Variants in PCDHA7 observed in about 807,000 individuals in gnomAD.
PCDHA7 encodes protocadherin alpha-7.
Under a neutral mutation model 57.2 loss-of-function variants are expected in PCDHA7, and 37 were observed. The observed-to-expected ratio is 0.65, with a 90% CI of 0.50 to 0.85. PCDHA7 has a LOEUF of 0.85. Ranked by LOEUF, PCDHA7 falls within the 40% of genes least tolerant of loss-of-function variation. The probability of loss-of-function intolerance (pLI) is 0.00; values close to 1 mark genes in which losing one functional copy is unlikely to be tolerated. For missense variants in PCDHA7, 1,188 were observed against 1,241.8 expected (o/e 0.96, Z 0.65); for synonymous variants, 553 against 558.8 (o/e 0.99, Z 0.15).
intron 1 of PCDHA7, chr5:140,871,232 T>C: frequency 6.2e-7 from 1 of 1,613,948 alleles, no homozygotes; most frequent in South Asian, 1.1e-5. Flanking sequence ...TCCAGCCTCC[T>C]GGTACTCACG....
intron 1 of PCDHA7, among the ~76,000 whole-genome samples, chr5:140,938,831 A>G (rs782069247): frequency 2.0e-5 from 3 of 152,118 alleles, no homozygotes; most frequent in Non-Finnish European, 4.4e-5. Flanking sequence ...AGTTTGCGTT[A>G]TAACAAACCT....
At position 140,834,987 on chromosome 5, in the gene PCDHA7, A is replaced by G; in HGVS notation, c.604A>G (p.Arg202Gly). ...ACTTGTATTACGGAAACTTTTAGAC[A>G]GAGAAGAAACTCCGGAGCTTCATTT... is the stretch of plus-strand genomic sequence containing the variant. ...LGLVLRKLLD[R>G]EETPELHLLL... is the part of the protein sequence containing the mutation. The change falls in exon 1 of 4, where the codon AGA becomes GGA. Residue 202 changes from arginine (R) to glycine (G), a missense_variant. By Grantham distance (125) the Arg-to-Gly change is moderately radical. This residue lies in a region of PCDHA7 where 102 missense variants were observed against 267.4 expected (regional missense o/e 0.38). Transcript: ENST00000525929. 1 of 1,457,052 alleles carries G rather than the reference A, an allele frequency of 6.9e-7. No individual in the cohort carries two copies. Among genetic ancestry groups the G allele is most frequent in the Non-Finnish European group, 9.3e-7 (1 of 1,079,968 alleles). 90.3% of individuals were successfully genotyped at this position (1,457,052 alleles called of 1,614,324 possible). A position where few individuals can be genotyped will look rare whatever the true frequency, so the allele number is the denominator to read the frequency against.
intron 1 of PCDHA7, among the ~76,000 whole-genome samples, chr5:140,897,050 G>A (rs1269082503): frequency 6.6e-6 from 1 of 152,014 alleles, no homozygotes; most frequent in Non-Finnish European, 1.5e-5. Flanking sequence ...CTATTCTGCT[G>A]TCAAATACTA....
At chr5:140,878,110 A>T in intron 1 of PCDHA7, 1 of 249,264 alleles carries the variant, frequency 4.0e-6, no homozygotes, top group South Asian at 1.2e-4. Context: ...CTTGAAAAAA[A>T]CAGTATATTA....
At chr5:140,927,612 C>T (rs781873236) in intron 1 of PCDHA7, 12 of 1,614,172 alleles carry the variant, frequency 7.4e-6, no homozygotes, top group Non-Finnish European at 8.5e-6. Context: ...TATACCGCAC[C>T]AAGGTTCCAG....
intron 1 of PCDHA7, chr5:140,852,270 CAT>C (rs1193934371): frequency 1.4e-5 from 7 of 503,434 alleles, no homozygotes; most frequent in South Asian, 1.7e-4. Context: ...TACAATATTA[CAT>C]GTTTTTTGTC....
chr5:140,968,594 A>G (rs1218717024), intron 1 of PCDHA7: 3 of 1,614,176 alleles, frequency 1.9e-6, no homozygotes, highest in Non-Finnish European at 2.5e-6. Flanking sequence ...AGTCATAGCT[A>G]TGGACTCAGA....
At chr5:140,966,683 G>A (rs1357691419) in intron 1 of PCDHA7, 1 of 1,331,590 alleles carries the variant, frequency 7.5e-7, no homozygotes. Flanking sequence ...TGGCACGAGC[G>A]GAGGCGGGGC....
chr5:140,937,413 TTAGA>T (rs781915768), intron 1 of PCDHA7, among the ~76,000 whole-genome samples: 3 of 152,228 alleles, frequency 2.0e-5, no homozygotes, highest in Non-Finnish European at 2.9e-5. Flanking sequence ...ACAACTTTTA[TTAGA>T]TAGCTGATAT....
At chr5:140,882,408 G>T in intron 1 of PCDHA7, 2 of 1,614,138 alleles carry the variant, frequency 1.2e-6, no homozygotes, top group Non-Finnish European at 8.5e-7. Flanking sequence ...TTCGTGGGCC[G>T]CATCGCTCAG....
intron 3 of PCDHA7, among the ~76,000 whole-genome samples, chr5:141,002,380 G>T (rs1284047266): frequency 2.0e-5 from 3 of 152,196 alleles, no homozygotes; most frequent in Non-Finnish European, 2.9e-5. Context: ...CTGGCTTAGG[G>T]CTCCTGCTGG....
At chr5:140,930,420 A>T (rs996872425) in intron 1 of PCDHA7, 2 of 151,962 alleles carry the variant, frequency 1.3e-5, no homozygotes, top group Non-Finnish European at 2.9e-5. Context: ...CAGGGGTCTC[A>T]CTATGTTGCC....
At chr5:140,876,819 C>T in intron 1 of PCDHA7, 1 of 1,614,180 alleles carries the variant, frequency 6.2e-7, no homozygotes, top group Admixed American at 1.7e-5. Flanking sequence ...CCGACGTGAA[C>T]GACAATGCGC....
chr5:140,869,381 A>G, intron 1 of PCDHA7: 2 of 1,614,128 alleles, frequency 1.2e-6, no homozygotes, highest in South Asian at 1.1e-5. Flanking sequence ...ATCGACCGCG[A>G]GGAGCTGTGC....
intron 1 of PCDHA7, chr5:140,928,142 C>T (rs2084978114): frequency 1.9e-6 from 3 of 1,614,170 alleles, no homozygotes; most frequent in East Asian, 2.2e-5. Flanking sequence ...CTGATCACGG[C>T]CTCAGATAGT....
chr5:140,844,369 CCTT>C (rs1275614273), intron 1 of PCDHA7, among the ~76,000 whole-genome samples: 2 of 149,326 alleles, frequency 1.3e-5, no homozygotes, highest in South Asian at 2.1e-4. Flanking sequence ...GATTTGTAAT[CCTT>C]CTTTTAATTC....
At chr5:140,850,799 C>G (rs576094644) in intron 1 of PCDHA7, 1 of 1,598,148 alleles carries the variant, frequency 6.3e-7, no homozygotes, top group Non-Finnish European at 8.6e-7. Context: ...AGAAGACCGA[C>G]CTCATGGCCT....
chr5:140,953,602 CCA>C (rs1246265860), intron 1 of PCDHA7, among the ~76,000 whole-genome samples: 3 of 152,040 alleles, frequency 2.0e-5, no homozygotes, highest in Admixed American at 6.6e-5. Context: ...TGTTTATTCC[CCA>C]GAGTCCTTAG....
At chr5:140,968,722 T>C (rs1379540261) in intron 1 of PCDHA7, 2 of 1,613,846 alleles carry the variant, frequency 1.2e-6, no homozygotes, top group Admixed American at 1.7e-5. Context: ...GAGATGAGAG[T>C]GGTAGCACTT....
Sources: allele counts gnomAD v4.1 joint callset (sites outside exome capture counted in the v4.1 genomes callset), GRCh38; gene constraint gnomAD v4.1.1; regional missense constraint gnomAD v4.1.1; transcripts MANE v1.5; gene names NCBI Gene and HGNC (gene_info 2026-07-23, HGNC 2026-07-21).